Variants in GASK1A observed in about 807,000 individuals in gnomAD.
The protein encoded by GASK1A is Golgi-associated kinase 1A.
Under a neutral mutation model 41.2 loss-of-function variants are expected in GASK1A, and 40 were observed. That is an observed-to-expected ratio of 0.97 (90% CI 0.75 to 1.27). GASK1A has a LOEUF of 1.27. GASK1A is among the 50% of genes most tolerant of loss of function. The pLI is 0.00. For synonymous variants in GASK1A, 316 were observed against 307.1 expected (o/e 1.03, Z -0.30); for missense variants, 678 against 745.1 (o/e 0.91, Z 1.05).
chr3:43,019,761 C>A (rs1431850728), intron 1 of GASK1A, among the ~76,000 whole-genome samples: 1 of 97,982 alleles, frequency 1.0e-5, no homozygotes, highest in Non-Finnish European at 2.3e-5. Flanking sequence ...GTTTTTAACA[C>A]ACACACACAC....
chr3:43,048,203 A>G (rs2089672997), intron 2 of GASK1A, among the ~76,000 whole-genome samples: 1 of 152,224 alleles, frequency 6.6e-6, no homozygotes, highest in Non-Finnish European at 1.5e-5. Context: ...AATAGGTGTC[A>G]ACAATATGAT....
intron 1 of GASK1A, among the ~76,000 whole-genome samples, chr3:43,010,519 G>A (rs1018652541): frequency 1.3e-5 from 2 of 152,204 alleles, no homozygotes; most frequent in African/African-American, 4.8e-5. Context: ...CCTTGGCTGA[G>A]GCCTTTGCTG....
intron 1 of GASK1A, among the ~76,000 whole-genome samples, chr3:42,992,298 AC>A (rs35913696): frequency 0.17 from 25,386 of 151,998 alleles, 2,604 homozygotes; most frequent in Non-Finnish European, 0.23. Flanking sequence ...CTGAATTCAA[AC>A]CCTGCTCACC....
chr3:42,981,921 C>G (rs1209505081), intron 1 of GASK1A, among the ~76,000 whole-genome samples: 2 of 152,092 alleles, frequency 1.3e-5, no homozygotes, highest in Non-Finnish European at 2.9e-5. Flanking sequence ...ACTTGCCCAG[C>G]TTGTTTGAAT....
chr3:43,008,054 T>C (rs1046753205), intron 1 of GASK1A, among the ~76,000 whole-genome samples: 6 of 152,252 alleles, frequency 3.9e-5, no homozygotes, highest in Non-Finnish European at 5.9e-5. Context: ...GCTTCTATAA[T>C]AGCAGGGTCA....
chr3:43,027,781 T>C (rs2089553166), intron 1 of GASK1A, among the ~76,000 whole-genome samples: 1 of 152,234 alleles, frequency 6.6e-6, no homozygotes, highest in African/African-American at 2.4e-5. Context: ...TCAAATATTA[T>C]AAATATTGTT....
chr3:43,046,972 G>A (rs1015937482), intron 2 of GASK1A, among the ~76,000 whole-genome samples: 3 of 152,228 alleles, frequency 2.0e-5, no homozygotes, highest in Non-Finnish European at 2.9e-5. Context: ...GTATTTCAGA[G>A]GATGTATGGA....
intron 1 of GASK1A, among the ~76,000 whole-genome samples, chr3:43,020,153 CAGGCA>C (rs2089514160): frequency 6.6e-6 from 1 of 151,974 alleles, no homozygotes. Flanking sequence ...GCCAAACTGT[CAGGCA>C]AGATCCTGAT....
intron 2 of GASK1A, among the ~76,000 whole-genome samples, chr3:43,049,642 G>T (rs534078331): frequency 2.0e-5 from 3 of 152,222 alleles, no homozygotes; most frequent in Admixed American, 2.0e-4. Context: ...TAATCCATTT[G>T]GTCTACTGCC....
chr3:43,016,132 G>T (rs907279004), intron 1 of GASK1A, among the ~76,000 whole-genome samples: 12 of 151,516 alleles, frequency 7.9e-5, no homozygotes, highest in African/African-American at 2.7e-4. Flanking sequence ...CCGGGAAGGG[G>T]CATAGGAAGT....
Position 43,019,796 on chromosome 3 carries a change from A to G in GASK1A, c.4-12471A>G, listed in dbSNP as rs112292860. ...CACACACACACACACACACCCCATC[A>G]CATGGCTTCCCTCTACCCCTTCTCC... On this transcript the variant is annotated intron_variant, in intron 1 of 4. Coordinates refer to ENST00000430121, the MANE Select transcript of GASK1A (RefSeq NM_001129908.3). Among the ~76,000 whole-genome samples the G allele has an allele frequency of 4.0e-5, 6 of 151,724 alleles. No homozygotes were observed. In the South Asian group the frequency reaches 6.3e-4, roughly 16 times the overall value.
In GASK1A at chr3:43,033,504, T is replaced by C. The variant is rs769599295; in HGVS notation, c.1241T>C (p.Ile414Thr). The C allele has an allele frequency of 1.9e-6, 3 of 1,549,200 alleles. No homozygotes were observed. Among genetic ancestry groups the C allele is most frequent in the South Asian group, 1.2e-5 (1 of 83,954 alleles). The stretch of plus-strand genomic sequence containing the variant: ...CCAGGCCAGGCCCCGTGCCCGGGCA[T>C]CCACCATACCGAGTGGGCACGCCTG... Reference protein sequence around the residue: ...NWPGQAPCPGIHHTEWARLAL... With the variant: ...NWPGQAPCPGTHHTEWARLAL... Residue 414 changes from isoleucine (I) to threonine (T), a missense_variant, in exon 2 of 5, where the codon ATC (isoleucine) becomes ACC (threonine). Physicochemically the swap from Ile to Thr is moderately conservative, Grantham distance 89. Transcript: ENST00000430121.
chr3:43,026,417 C>A (rs1332028321), intron 1 of GASK1A, among the ~76,000 whole-genome samples: 1 of 152,164 alleles, frequency 6.6e-6, no homozygotes, highest in Non-Finnish European at 1.5e-5. Flanking sequence ...AAAAAGGAGA[C>A]AAAGAACAGC....
intron 2 of GASK1A, among the ~76,000 whole-genome samples, chr3:43,050,551 AT>A (rs1420920728): frequency 3.5e-5 from 5 of 141,688 alleles, no homozygotes; most frequent in African/African-American, 7.9e-5. Context: ...GTGTAGATCA[AT>A]GCTTTTCACC....
chr3:42,993,670 A>G (rs752076325), intron 1 of GASK1A, among the ~76,000 whole-genome samples: 2 of 152,112 alleles, frequency 1.3e-5, no homozygotes, highest in Non-Finnish European at 2.9e-5. Context: ...TGTCTGGGGG[A>G]GTGACAGAAG....
chr3:43,044,767 G>T (rs969991939), intron 2 of GASK1A, among the ~76,000 whole-genome samples: 1 of 152,158 alleles, frequency 6.6e-6, no homozygotes, highest in Non-Finnish European at 1.5e-5. Context: ...ATATAATATT[G>T]TGGGACATCT....
At chr3:43,036,554 A>T (rs1348337822) in intron 2 of GASK1A, among the ~76,000 whole-genome samples, 1 of 152,206 alleles carries the variant, frequency 6.6e-6, no homozygotes, top group Non-Finnish European at 1.5e-5. Flanking sequence ...GTGCTTCACA[A>T]ATCCCATATA....
In GASK1A at chr3:43,032,773, G is replaced by C; in HGVS notation, c.510G>C (p.Leu170=). ...IQETQSEVVT[L]VSPLPGSDMA... Reference sequence around the variant, plus strand: ...AGACACAGAGTGAGGTGGTCACCCTGGTCAGTCCACTCCCAGGGAGTGACA... The same window carrying C: ...AGACACAGAGTGAGGTGGTCACCCTCGTCAGTCCACTCCCAGGGAGTGACA... Residue 170 remains leucine (L), a synonymous_variant, in exon 2 of 5, where the codon CTG becomes CTC. Coordinates refer to ENST00000430121, the MANE Select transcript of GASK1A (RefSeq NM_001129908.3). The C allele has an allele frequency of 6.4e-7, 1 of 1,551,050 alleles. No homozygotes were observed. The highest frequency in any genetic ancestry group is 8.7e-7 in the Non-Finnish European group (1 of 1,147,002).
chr3:43,023,546 C>T (rs940710934), intron 1 of GASK1A, among the ~76,000 whole-genome samples: 3 of 152,176 alleles, frequency 2.0e-5, no homozygotes, highest in African/African-American at 4.8e-5. Flanking sequence ...GTGGCTTCCT[C>T]TGGGGAGGAG....
Sources: allele counts gnomAD v4.1 joint callset (sites outside exome capture counted in the v4.1 genomes callset), GRCh38; gene constraint gnomAD v4.1.1; transcripts MANE v1.5; gene names NCBI Gene and HGNC (gene_info 2026-07-23, HGNC 2026-07-21).